LARGE1: variants seen among roughly 807,000 people sequenced by gnomAD.
LARGE1 encodes xylosyl- and glucuronyltransferase LARGE1.
Under a neutral mutation model 87.6 loss-of-function variants are expected in LARGE1, and 43 were observed. The ratio of observed to expected loss-of-function variants is 0.49; its 90% CI spans 0.38 to 0.63. LARGE1 has a LOEUF of 0.63. Ranked by LOEUF, LARGE1 falls within the 30% of genes least tolerant of loss-of-function variation. The probability of loss-of-function intolerance (pLI) is 0.00; values close to 1 mark genes in which losing one functional copy is unlikely to be tolerated. For synonymous variants in LARGE1, 434 were observed against 394.6 expected (o/e 1.10, Z -1.18); for missense variants, 802 against 1,000.2 (o/e 0.80, Z 2.67).
intron 9 of LARGE1, among the ~76,000 whole-genome samples, chr22:33,362,343 G>A (rs1428465599): frequency 1.3e-5 from 2 of 149,672 alleles, no homozygotes; most frequent in Admixed American, 6.6e-5. Flanking sequence ...ACTGAACCTG[G>A]GAGAGGTTAA....
At chr22:33,802,174 C>G (rs2086182393) in intron 1 of LARGE1, among the ~76,000 whole-genome samples, 1 of 152,150 alleles carries the variant, frequency 6.6e-6, no homozygotes, top group Non-Finnish European at 1.5e-5. Context: ...AAAAGAAATT[C>G]TGACCCCAGG....
the LARGE1 span, among the ~76,000 whole-genome samples, chr22:33,100,580 T>C: frequency 1.3e-5 from 2 of 151,992 alleles, no homozygotes; most frequent in African/African-American, 2.4e-5. Context: ...TTAGATAATA[T>C]TTTTAGAGTG....
chr22:33,310,538 G>T (rs925734705), intron 11 of LARGE1, among the ~76,000 whole-genome samples: 6 of 152,126 alleles, frequency 3.9e-5, no homozygotes, highest in Admixed American at 3.9e-4. Flanking sequence ...ATTCCAGAGG[G>T]AGCTGCGTAC....
intron 6 of LARGE1, among the ~76,000 whole-genome samples, chr22:33,531,892 G>A (rs1028830388): frequency 6.6e-6 from 1 of 152,232 alleles, no homozygotes; most frequent in African/African-American, 2.4e-5. Context: ...AGATTATCTT[G>A]CCGGGTGAGC....
At chr22:33,131,562 A>G in the LARGE1 span, among the ~76,000 whole-genome samples, 1 of 152,212 alleles carries the variant, frequency 6.6e-6, no homozygotes, top group African/African-American at 2.4e-5. Context: ...GGTCGAAGGC[A>G]AAGGAGAAGC....
At chr22:33,310,436 G>T (rs532503473) in intron 11 of LARGE1, among the ~76,000 whole-genome samples, 58 of 152,164 alleles carry the variant, frequency 3.8e-4, no homozygotes, top group Admixed American at 9.2e-4. Flanking sequence ...GTCTTCTGCT[G>T]GGATGGGAGG....
At chr22:33,630,945 C>T (rs1210438730) in intron 3 of LARGE1, among the ~76,000 whole-genome samples, 2 of 151,806 alleles carry the variant, frequency 1.3e-5, no homozygotes, top group Non-Finnish European at 2.9e-5. Flanking sequence ...TTCTGCCTCC[C>T]GGGCTCAAGC....
At chr22:33,184,088 C>CTATATATATATATATGTATATATATA (rs144013990) in intron 11 of LARGE1, among the ~76,000 whole-genome samples, 1 of 105,254 alleles carries the variant, frequency 9.5e-6, no homozygotes, top group East Asian at 2.2e-4. Flanking sequence ...AATCAGTACA[C>CTATATATATATATATGTATATATATA]TATATATATA....
chr22:33,243,800 T>A (rs1276240263), intron 11 of LARGE1, among the ~76,000 whole-genome samples: 1 of 152,218 alleles, frequency 6.6e-6, no homozygotes, highest in Admixed American at 6.5e-5. Flanking sequence ...TAAAGAGTTT[T>A]CAGGTCACCT....
In LARGE1 at chr22:33,273,517, T is replaced by C. The variant is rs1441718118; in HGVS notation, c.*910A>G. ...AAGCCCTTTCCCATGAATCAGTCAC[T>C]GCCAATAGAAAATGTGACCGGTGTA... On this transcript the variant is annotated 3_prime_UTR_variant, in exon 15 of 15. Transcript: ENST00000397394. 2 of 398,680 alleles carry C rather than the reference T, an allele frequency of 5.0e-6. No homozygotes were observed. The highest frequency in any genetic ancestry group is 2.1e-5 in the African/African-American group (1 of 48,656). The allele number at this position is 398,680 out of a possible 1,614,324, so 24.7% of individuals were successfully genotyped here. A position where few individuals can be genotyped will look rare whatever the true frequency, so the allele number is the denominator to read the frequency against.
the LARGE1 span, among the ~76,000 whole-genome samples, chr22:33,118,856 T>C: frequency 1.3e-5 from 2 of 152,210 alleles, no homozygotes; most frequent in African/African-American, 4.8e-5. Context: ...CCTAGTTGAA[T>C]GGGAGAGTTT....
intron 3 of LARGE1, among the ~76,000 whole-genome samples, chr22:33,637,491 T>C (rs2080302271): frequency 6.6e-6 from 1 of 152,176 alleles, no homozygotes; most frequent in Non-Finnish European, 1.5e-5. Context: ...TCATGCCGTG[T>C]AGCCTCTCCT....
At chr22:33,768,000 G>A (rs985132519) in intron 1 of LARGE1, among the ~76,000 whole-genome samples, 10 of 152,202 alleles carry the variant, frequency 6.6e-5, no homozygotes, top group Admixed American at 3.3e-4. Context: ...GGACATCACC[G>A]AGGTTTTGTT....
chr22:33,911,737 C>T (rs1170184553), intron 1 of LARGE1, among the ~76,000 whole-genome samples: 3 of 152,326 alleles, frequency 2.0e-5, no homozygotes, highest in South Asian at 2.1e-4. Flanking sequence ...GCACGCATTT[C>T]GGTATTGTAC....
chr22:33,077,448 A>G, the LARGE1 span, among the ~76,000 whole-genome samples: 8 of 152,146 alleles, frequency 5.3e-5, no homozygotes, highest in Non-Finnish European at 8.8e-5. Context: ...ATAAGACGCC[A>G]TTTTACTGCT....
At chr22:33,621,946 C>T (rs1022786213) in intron 4 of LARGE1, among the ~76,000 whole-genome samples, 9 of 152,168 alleles carry the variant, frequency 5.9e-5, no homozygotes, top group African/African-American at 2.2e-4. Context: ...CAGGAAAGGC[C>T]AACCTGGAGA....
intron 1 of LARGE1, among the ~76,000 whole-genome samples, chr22:33,878,062 T>C (rs2064525342): frequency 6.6e-6 from 1 of 150,626 alleles, no homozygotes; most frequent in Non-Finnish European, 1.5e-5. Flanking sequence ...ATTTTACCTC[T>C]TTTTACCTTT....
At chr22:33,872,359 CTATTATTAT>C (rs3072360) in intron 1 of LARGE1, among the ~76,000 whole-genome samples, 35,409 of 142,644 alleles carry the variant, frequency 0.25, 5,028 homozygotes, top group African/African-American at 0.4. Flanking sequence ...TAAATGCTAT[CTATTATTAT>C]TATTATTATT....
chr22:33,372,759 T>C lies in LARGE1; in HGVS notation c.1131+9160A>G, dbSNP rs1305299819. On this transcript the variant is annotated intron_variant, in intron 9 of 14. Coordinates refer to ENST00000397394, the MANE Select transcript of LARGE1 (RefSeq NM_133642.5). ...CCAAAATAAGATGTGTTTTGATGAA[T>C]GAAATTACAAGGCATAAAAATATGT... Among the ~76,000 whole-genome samples, 5 of 152,098 alleles carry C rather than the reference T, an allele frequency of 3.3e-5. 1 individual carries two copies. The highest frequency in any genetic ancestry group is 9.7e-5 in the African/African-American group (4 of 41,420).
Sources: gnomAD v4.1 joint callset for allele counts (sites outside exome capture counted in the v4.1 genomes callset) on GRCh38, gnomAD v4.1.1 for gene constraint, MANE v1.5 for transcripts, NCBI Gene and HGNC (gene_info 2026-07-23, HGNC 2026-07-21) for gene names.